Variants in BCAS1 observed in about 807,000 individuals in gnomAD.
BCAS1 encodes the protein breast carcinoma-amplified sequence 1.
A neutral mutation model predicts 65.4 loss-of-function variants in BCAS1; 46 were observed. The observed-to-expected ratio is 0.70, with a 90% CI of 0.55 to 0.90. The LOEUF (loss-of-function observed/expected upper bound fraction) is 0.90. BCAS1 is among the 40% of genes least tolerant of loss of function. BCAS1 has a pLI of 0.00. For synonymous variants in BCAS1, 298 were observed against 293.5 expected (o/e 1.02, Z -0.16); for missense variants, 793 against 771.2 (o/e 1.03, Z -0.33).
intron 1 of BCAS1, among the ~76,000 whole-genome samples, chr20:54,066,112 G>C (rs1001808192): frequency 6.8e-6 from 1 of 148,140 alleles, no homozygotes; most frequent in African/African-American, 2.5e-5. Context: ...TGGCTCTGTC[G>C]CCCAGGCTGG....
At chr20:54,025,403 T>C (rs150475501) in intron 4 of BCAS1, among the ~76,000 whole-genome samples, 3 of 152,318 alleles carry the variant, frequency 2.0e-5, no homozygotes, top group Non-Finnish European at 2.9e-5. Flanking sequence ...CTTTCAGGCA[T>C]ATAATTTATC....
rs1287944617 is a variant in BCAS1 at position 53,999,414 on chromosome 20, ATGT to A, written c.724-3367_724-3365del. On this transcript the variant is annotated intron_variant, in intron 4 of 12. Coordinates refer to ENST00000688948, the MANE Select transcript of BCAS1 (RefSeq NM_001366298.2). ...TGAGGCCCAAAGAGGTTTAAACATC[ATGT>A]CCAAGGCCACAGTTGGCAAGCGTAA... is the stretch of plus-strand genomic sequence containing the variant. 3.3e-5 allele frequency among the ~76,000 whole-genome samples: 5 copies of A among 152,342 alleles called. No homozygotes were observed. The East Asian group carries it at 9.6e-4, about 29-fold the overall frequency.
intron 12 of BCAS1, among the ~76,000 whole-genome samples, chr20:53,951,070 C>T (rs552082398): frequency 9.8e-5 from 15 of 152,308 alleles, no homozygotes; most frequent in South Asian, 4.2e-4. Flanking sequence ...TTTCAGCCTT[C>T]GTACCTATTG....
intron 4 of BCAS1, among the ~76,000 whole-genome samples, chr20:53,996,561 G>T (rs1161423772): frequency 6.6e-6 from 1 of 151,980 alleles, no homozygotes; most frequent in Admixed American, 6.6e-5. Flanking sequence ...TGTGCAAGGG[G>T]TGTGATAGGG....
rs1042220524 is a variant in BCAS1 at position 53,975,535 on chromosome 20, G to A, written c.1276-105C>T. ...GGGCTCACAGTCTTGGGGTGCGTTC[G>A]GGGACACTGAATTGCCTAGGTACAC... On this transcript the variant is annotated intron_variant, in intron 8 of 12. Coordinates refer to ENST00000688948, the MANE Select transcript of BCAS1 (RefSeq NM_001366298.2). The A allele has an allele frequency of 3.3e-5, 25 of 755,408 alleles. No homozygotes were observed. The Admixed American group carries it at 5.3e-4, about 16-fold the overall frequency. 46.8% of individuals were successfully genotyped at this position (755,408 alleles called of 1,614,324 possible). A position where few individuals can be genotyped will look rare whatever the true frequency, so the allele number is the denominator to read the frequency against.
At position 54,038,998 on chromosome 20, in the gene BCAS1, A is replaced by G. The variant is rs138253101; in HGVS notation, c.143-10026T>C. On this transcript the variant is annotated intron_variant, in intron 3 of 12. Coordinates refer to ENST00000688948, the MANE Select transcript of BCAS1 (RefSeq NM_001366298.2). ...ACAACACAACACAGTAAGTTCTTCA[A>G]AAGAGTTATATTAGAATATCAAAAG... Among the ~76,000 whole-genome samples the G allele has an allele frequency of 1.1e-4, 17 of 151,582 alleles. No homozygotes were observed. In the East Asian group the frequency reaches 3.3e-3, roughly 29 times the overall value.
At chr20:54,045,618 T>C (rs1568916609) in intron 3 of BCAS1, among the ~76,000 whole-genome samples, 1 of 152,200 alleles carries the variant, frequency 6.6e-6, no homozygotes, top group African/African-American at 2.4e-5. Flanking sequence ...TAAATGCCTA[T>C]GCTAAAGAAA....
chr20:53,947,734 C>T (rs956778410), intron 12 of BCAS1, among the ~76,000 whole-genome samples: 1 of 152,166 alleles, frequency 6.6e-6, no homozygotes, highest in African/African-American at 2.4e-5. Context: ...AGGCCATTCC[C>T]CAACCCCTCC....
At chr20:54,050,593 A>G (rs2092194123) in intron 3 of BCAS1, among the ~76,000 whole-genome samples, 2 of 152,346 alleles carry the variant, frequency 1.3e-5, no homozygotes, top group Middle Eastern at 3.4e-3. Flanking sequence ...TGATATTACA[A>G]TTTCATGAAT....
At chr20:54,043,444 AGT>A (rs2092038666) in intron 3 of BCAS1, among the ~76,000 whole-genome samples, 1 of 152,120 alleles carries the variant, frequency 6.6e-6, no homozygotes, top group African/African-American at 2.4e-5. Context: ...TGGCCAACAC[AGT>A]GTTTATATTT....
chr20:54,011,854 C>T (rs1365272660), intron 4 of BCAS1, among the ~76,000 whole-genome samples: 1 of 152,142 alleles, frequency 6.6e-6, no homozygotes, highest in Non-Finnish European at 1.5e-5. Context: ...AAGATCCAAT[C>T]TCAAAAACTT....
chr20:53,957,559 A>C lies in BCAS1; in HGVS notation c.1486-62T>G, dbSNP rs544702465. ...GTACAGTGACGTGGAGAATGCAAGA[A>C]AGTTCTGAAATGGATGATCTCAGTC... is the stretch of plus-strand genomic sequence containing the variant. On this transcript the variant is annotated intron_variant, in intron 10 of 12. Transcript: ENST00000688948. 44 of 1,480,684 alleles carry C rather than the reference A, an allele frequency of 3.0e-5. No individual in the cohort carries two copies. In the South Asian group the frequency reaches 4.8e-4, roughly 16 times the overall value. 91.7% of individuals were successfully genotyped at this position (1,480,684 alleles called of 1,614,324 possible).
chr20:53,966,679 G>C (rs1168062282), intron 10 of BCAS1, among the ~76,000 whole-genome samples: 1 of 152,170 alleles, frequency 6.6e-6, no homozygotes, highest in African/African-American at 2.4e-5. Flanking sequence ...AAAAGTGTTA[G>C]CAGGCATTAA....
At chr20:53,980,811 T>C (rs1430867372) in intron 8 of BCAS1, among the ~76,000 whole-genome samples, 1 of 152,222 alleles carries the variant, frequency 6.6e-6, no homozygotes, top group South Asian at 2.1e-4. Context: ...AACTTCTCCC[T>C]TCTTTCTGTA....
chr20:53,989,108 T>C (rs1289351901), intron 7 of BCAS1, among the ~76,000 whole-genome samples: 1 of 152,162 alleles, frequency 6.6e-6, no homozygotes, highest in Non-Finnish European at 1.5e-5. Flanking sequence ...CATTAACAGG[T>C]ATAAAGAATA....
chr20:54,011,189 A>C (rs534631999), intron 4 of BCAS1, among the ~76,000 whole-genome samples: 1 of 152,218 alleles, frequency 6.6e-6, no homozygotes, highest in East Asian at 1.9e-4. Flanking sequence ...AAAAGACCAA[A>C]GACCAAAAGC....
intron 11 of BCAS1, among the ~76,000 whole-genome samples, chr20:53,957,000 A>C (rs1368561468): frequency 6.6e-6 from 1 of 152,204 alleles, no homozygotes; most frequent in Non-Finnish European, 1.5e-5. Context: ...AGAGAAATAG[A>C]AGAAGGAGAC....
At chr20:54,037,260 C>T (rs1255569552) in intron 3 of BCAS1, among the ~76,000 whole-genome samples, 2 of 151,356 alleles carry the variant, frequency 1.3e-5, no homozygotes, top group African/African-American at 4.8e-5. Flanking sequence ...CCTTTCTTCA[C>T]AAGGCAGCAG....
intron 12 of BCAS1, 73 bp from the exon 13 acceptor site, chr20:53,945,069 T>C: frequency 8.0e-7 from 1 of 1,246,462 alleles, no homozygotes; most frequent in Non-Finnish European, 1.2e-6. Flanking sequence ...GCCATTTATG[T>C]AGCACTTACT....
Sources: allele counts gnomAD v4.1 joint callset (sites outside exome capture counted in the v4.1 genomes callset), GRCh38; gene constraint gnomAD v4.1.1; transcripts MANE v1.5; gene names NCBI Gene and HGNC (gene_info 2026-07-23, HGNC 2026-07-21).